The following CPXM2 variants were observed in gnomAD, a reference collection of about 807,000 sequenced individuals.
CPXM2 encodes the protein inactive carboxypeptidase-like protein X2.
In CPXM2, 66 loss-of-function variants were observed where a neutral mutation model predicts 86.1. The observed-to-expected ratio is 0.77, with a 90% CI of 0.63 to 0.94. The LOEUF (loss-of-function observed/expected upper bound fraction) is 0.94, where lower values mean the gene tolerates loss of function less well. CPXM2 is among the 40% of genes least tolerant of loss of function. CPXM2 has a pLI of 0.00. For missense variants in CPXM2, 948 were observed against 1,026.3 expected, an observed-to-expected ratio of 0.92 and a Z score of 1.04; for synonymous variants, 388 against 400.2, an observed-to-expected ratio of 0.97 and a Z score of 0.36.
intron 3 of CPXM2, among the ~76,000 whole-genome samples, chr10:123,848,958 A>G (rs916380331): frequency 2.0e-5 from 3 of 152,214 alleles, no homozygotes; most frequent in Non-Finnish European, 2.9e-5. Flanking sequence ...CATGGAAGCC[A>G]CTGGGGGTAC....
chr10:123,858,994 C>A (rs74162958), intron 3 of CPXM2, among the ~76,000 whole-genome samples: 1,962 of 152,330 alleles, frequency 0.013, 38 homozygotes, highest in African/African-American at 0.045. Flanking sequence ...AGAATGAGGG[C>A]ATCTCACCCG....
chr10:123,935,874 A>G (rs1391617407), intron 2 of CPXM2, among the ~76,000 whole-genome samples: 2 of 151,810 alleles, frequency 1.3e-5, no homozygotes, highest in Non-Finnish European at 2.9e-5. Context: ...CATCACCACC[A>G]TCCTTACCAT....
chr10:123,798,236 G>T, intron 5 of CPXM2, 110 bp from the exon 6 acceptor site: 35 of 731,020 alleles, frequency 4.8e-5, no homozygotes, highest in Admixed American at 7.0e-5. Context: ...AACCTAATGT[G>T]TGCTGTGCAT....
intron 2 of CPXM2, among the ~76,000 whole-genome samples, chr10:123,925,705 C>T (rs1945616661): frequency 6.6e-6 from 1 of 152,164 alleles, no homozygotes; most frequent in Admixed American, 6.5e-5. Flanking sequence ...ACTTACCACA[C>T]CATGTTTCTG....
chr10:123,768,671 C>A lies in CPXM2; in HGVS notation c.1154G>T (p.Gly385Val). The change falls in exon 9 of 14, where the codon GGC becomes GTC. Residue 385 changes from glycine to valine, a missense_variant. Coordinates refer to ENST00000241305, the MANE Select transcript of CPXM2 (RefSeq NM_198148.3). ...CACCAGCAGCAGCAGCAGCTCCCGG[C>A]CCAGCACCTCATTGCCGTGGGCCCC... Reference protein sequence around the residue: ...IAGAHGNEVLGRELLLLLVQF... With the variant: ...IAGAHGNEVLVRELLLLLVQF... 7 of 1,612,812 alleles carry A rather than the reference C, an allele frequency of 4.3e-6. No homozygotes were observed. The highest frequency in any genetic ancestry group is 1.3e-5 in the African/African-American group (1 of 75,054).
intron 13 of CPXM2, chr10:123,751,184 G>A (rs925375191): frequency 1.0e-4 from 33 of 329,160 alleles, no homozygotes; most frequent in East Asian, 1.7e-4. Context: ...CGCCACTGAC[G>A]AGAGTGCAGC....
chr10:123,909,274 C>A (rs1945468956), intron 2 of CPXM2, among the ~76,000 whole-genome samples: 1 of 152,234 alleles, frequency 6.6e-6, no homozygotes, highest in Admixed American at 6.5e-5. Flanking sequence ...TGTAACAGGT[C>A]TTCAGGGCCT....
upstream of CPXM2, among the ~76,000 whole-genome samples, chr10:123,893,586 GCA>G (rs1166037002): frequency 1.3e-5 from 2 of 152,148 alleles, no homozygotes; most frequent in African/African-American, 4.8e-5. Flanking sequence ...TCCAGAGCCA[GCA>G]GAAGTCCTCA....
At chr10:123,850,471 A>G (rs867254600) in intron 3 of CPXM2, among the ~76,000 whole-genome samples, 7 of 152,198 alleles carry the variant, frequency 4.6e-5, no homozygotes, top group Admixed American at 1.3e-4. Context: ...CAAAAATCTC[A>G]CACCGTTTCT....
chr10:123,915,869 G>A (rs541588118), intron 2 of CPXM2, among the ~76,000 whole-genome samples: 1 of 152,104 alleles, frequency 6.6e-6, no homozygotes, highest in Non-Finnish European at 1.5e-5. Context: ...GCCCACTCCA[G>A]CCCTGGAGTT....
At chr10:123,874,556 C>T (rs945819710) in intron 2 of CPXM2, among the ~76,000 whole-genome samples, 4 of 152,196 alleles carry the variant, frequency 2.6e-5, no homozygotes, top group Admixed American at 2.6e-4. Context: ...CCAACTTCTA[C>T]CACAAGTGGT....
chr10:123,918,933 A>G (rs1945558232), intron 2 of CPXM2, among the ~76,000 whole-genome samples: 1 of 152,140 alleles, frequency 6.6e-6, no homozygotes, highest in Admixed American at 6.5e-5. Context: ...ATGAAAACAC[A>G]GGGAAGGTAA....
intron 2 of CPXM2, among the ~76,000 whole-genome samples, chr10:123,923,458 G>A (rs1008448246): frequency 1.1e-4 from 16 of 150,818 alleles, no homozygotes; most frequent in Non-Finnish European, 2.9e-5. Flanking sequence ...GCGGGCGCCT[G>A]TAGTCCCAGC....
intron 11 of CPXM2, among the ~76,000 whole-genome samples, chr10:123,760,677 G>T (rs1846311147): frequency 6.6e-6 from 1 of 152,164 alleles, no homozygotes; most frequent in Non-Finnish European, 1.5e-5. Flanking sequence ...GTCCGCAGGG[G>T]ATGGGAACTT....
chr10:123,811,856 G>A (rs1397394056), intron 4 of CPXM2, among the ~76,000 whole-genome samples: 3 of 152,108 alleles, frequency 2.0e-5, no homozygotes, highest in South Asian at 4.1e-4. Flanking sequence ...TAGTGGTTAC[G>A]GAAATGCAAG....
chr10:123,788,850 T>C (rs1232506855), intron 6 of CPXM2, among the ~76,000 whole-genome samples: 1 of 146,704 alleles, frequency 6.8e-6, no homozygotes, highest in East Asian at 2.0e-4. Flanking sequence ...AAAGGCTTAG[T>C]GTATATTATA....
chr10:123,853,566 T>A (rs981466295), intron 3 of CPXM2, among the ~76,000 whole-genome samples: 1 of 152,104 alleles, frequency 6.6e-6, no homozygotes, highest in Non-Finnish European at 1.5e-5. Flanking sequence ...TTTCCAGAGG[T>A]GTGTTGTGTT....
At chr10:123,824,969 G>C (rs2134119303) in intron 4 of CPXM2, among the ~76,000 whole-genome samples, 1 of 152,338 alleles carries the variant, frequency 6.6e-6, no homozygotes, top group Non-Finnish European at 1.5e-5. Context: ...GAGGAATCAT[G>C]TCTTTTCCTG....
In CPXM2 at chr10:123,880,601, G is replaced by A. The variant is rs536848558; in HGVS notation, c.305-292C>T. ...TCCCAGCACTTTGGGAGGCTAAGGC[G>A]GGTGGATCACAAGGTCAGGAGATCA... On this transcript the variant is annotated intron_variant, in intron 1 of 13. Coordinates refer to ENST00000241305, the MANE Select transcript of CPXM2 (RefSeq NM_198148.3). Among the ~76,000 whole-genome samples the A allele has an allele frequency of 1.9e-4, 29 of 152,098 alleles. No individual in the cohort carries two copies. The South Asian group carries it at 3.7e-3, about 20-fold the overall frequency.
Sources: allele counts gnomAD v4.1 joint callset (sites outside exome capture counted in the v4.1 genomes callset), GRCh38; gene constraint gnomAD v4.1.1; transcripts MANE v1.5; gene names NCBI Gene and HGNC (gene_info 2026-07-23, HGNC 2026-07-21).